GRM7: variants seen among roughly 807,000 people sequenced by gnomAD.
GRM7 encodes the protein glutamate metabotropic receptor 7.
In GRM7, 35 loss-of-function variants were observed where a neutral mutation model predicts 84.5. That is an observed-to-expected ratio of 0.41 (90% CI 0.32 to 0.55). The LOEUF (loss-of-function observed/expected upper bound fraction) is 0.55. GRM7 is among the 20% of genes least tolerant of loss of function. GRM7 has a pLI of 0.19. For missense variants in GRM7, 1,003 were observed against 1,194.6 expected (o/e 0.84, Z 2.36); for synonymous variants, 487 against 455.1 (o/e 1.07, Z -0.89).
At chr3:6,901,550 A>T (rs1044494838) in intron 1 of GRM7, among the ~76,000 whole-genome samples, 1 of 136,418 alleles carries the variant, frequency 7.3e-6, no homozygotes, top group African/African-American at 2.7e-5. Flanking sequence ...GTGAGCCGAG[A>T]TTGCACCATT....
chr3:7,326,532 C>T (rs748174652), intron 4 of GRM7, among the ~76,000 whole-genome samples: 4 of 152,000 alleles, frequency 2.6e-5, no homozygotes, highest in Admixed American at 1.3e-4. Context: ...AGATATTGAG[C>T]AGAAGCAAAG....
chr3:7,024,556 G>T (rs1434206627), intron 1 of GRM7, among the ~76,000 whole-genome samples: 1 of 152,262 alleles, frequency 6.6e-6, no homozygotes, highest in African/African-American at 2.4e-5. Context: ...AACTGCTGGG[G>T]CAGGTGCATG....
intron 4 of GRM7, among the ~76,000 whole-genome samples, chr3:7,368,785 A>G (rs926814389): frequency 1.3e-5 from 2 of 152,148 alleles, no homozygotes; most frequent in Non-Finnish European, 2.9e-5. Context: ...CTCCTAGCCT[A>G]TACCATCAGG....
chr3:6,863,129 T>C lies in GRM7; in HGVS notation c.519+1222T>C, dbSNP rs1300481491. On this transcript the variant is annotated intron_variant, in intron 1 of 9. Coordinates refer to ENST00000357716, the MANE Select transcript of GRM7 (RefSeq NM_000844.4). This position sits in a 1 kb window ranked among gnomAD's most constrained non-coding sequence, Gnocchi z 4.8. ...TTCTGTCTCTGTCTCCTTGCTGTTTTTTTTTTCTCTCTGTTTTTTCTCTCC... is the reference window on the plus strand; with the variant it reads ...TTCTGTCTCTGTCTCCTTGCTGTTTCTTTTTTCTCTCTGTTTTTTCTCTCC... 2 of 336,228 alleles carry C rather than the reference T, an allele frequency of 5.9e-6. No homozygotes were observed. The highest frequency in any genetic ancestry group is 4.5e-5 in the African/African-American group (2 of 44,806). 20.8% of individuals were successfully genotyped at this position (336,228 alleles called of 1,614,324 possible).
At chr3:7,282,015 G>A (rs1699268051) in intron 2 of GRM7, among the ~76,000 whole-genome samples, 1 of 152,194 alleles carries the variant, frequency 6.6e-6, no homozygotes, top group East Asian at 1.9e-4. Context: ...CCCAAGAGAC[G>A]GAGGTTGCAG....
At chr3:7,606,243 G>C (rs1696562356) in intron 8 of GRM7, among the ~76,000 whole-genome samples, 1 of 150,536 alleles carries the variant, frequency 6.6e-6, no homozygotes, top group Non-Finnish European at 1.5e-5. Context: ...TGAACCAGAT[G>C]ACTTCTAGCT....
intron 5 of GRM7, among the ~76,000 whole-genome samples, chr3:7,430,675 A>G (rs1313354237): frequency 1.3e-5 from 2 of 152,350 alleles, no homozygotes; most frequent in Non-Finnish European, 2.9e-5. Flanking sequence ...CGGCTTATTC[A>G]TAATAGCCCA....
chr3:7,088,077 A>G (rs928971563), intron 1 of GRM7, among the ~76,000 whole-genome samples: 1 of 152,200 alleles, frequency 6.6e-6, no homozygotes, highest in Non-Finnish European at 1.5e-5. Flanking sequence ...ATCCTTAGTT[A>G]ACAGTTATAC....
At chr3:7,509,281 G>T (rs1693289260) in intron 7 of GRM7, among the ~76,000 whole-genome samples, 1 of 152,060 alleles carries the variant, frequency 6.6e-6, no homozygotes, top group Non-Finnish European at 1.5e-5. Context: ...TGTCATAATT[G>T]TTCTATTTTA....
rs189776856 is a variant in GRM7 at position 7,701,660 on chromosome 3, C to T, written c.2698+21365C>T. On this transcript the variant is annotated intron_variant, in intron 9 of 9. Transcript: ENST00000357716. ...TAAGAATTGAAGGAGGGTAATTAAA[C>T]GGGTGGTAGGATGGTAGGAGCTTCA... 6.9e-4 allele frequency among the ~76,000 whole-genome samples: 105 copies of T among 152,124 alleles called. 1 individual carries two copies. Among genetic ancestry groups the T allele is most frequent in the Admixed American group, 3.7e-3 (57 of 15,272 alleles).
chr3:7,448,555 A>G (rs569890392), intron 5 of GRM7, among the ~76,000 whole-genome samples: 3 of 152,288 alleles, frequency 2.0e-5, no homozygotes, highest in South Asian at 2.1e-4. Flanking sequence ...TGAGTAGTCA[A>G]AGACTCAGAG....
chr3:7,047,918 G>C (rs771490706), intron 1 of GRM7, among the ~76,000 whole-genome samples: 4 of 151,928 alleles, frequency 2.6e-5, no homozygotes, highest in Non-Finnish European at 5.9e-5. Flanking sequence ...AATGTCATTA[G>C]ATGCCTGGTG....
At chr3:6,994,301 T>G (rs756035865) in intron 1 of GRM7, among the ~76,000 whole-genome samples, 1 of 152,174 alleles carries the variant, frequency 6.6e-6, no homozygotes, top group East Asian at 1.9e-4. Context: ...ACAGACCCTA[T>G]GCAGGGAGGT....
intron 5 of GRM7, among the ~76,000 whole-genome samples, chr3:7,437,759 A>G (rs1697119526): frequency 6.6e-6 from 1 of 152,038 alleles, no homozygotes; most frequent in Admixed American, 6.6e-5. Context: ...CAACAGCCAT[A>G]ATATAACTAT....
chr3:7,279,636 C>G (rs1699188645), intron 2 of GRM7, among the ~76,000 whole-genome samples: 1 of 152,184 alleles, frequency 6.6e-6, no homozygotes, highest in Non-Finnish European at 1.5e-5. Flanking sequence ...AGACACCAAA[C>G]AGCCCTACAA....
intron 9 of GRM7, among the ~76,000 whole-genome samples, chr3:7,687,180 C>G (rs530195951): frequency 2.0e-4 from 30 of 152,102 alleles, no homozygotes; most frequent in African/African-American, 6.3e-4. Context: ...TGGTTATACC[C>G]AAGAAATACC....
intron 1 of GRM7, among the ~76,000 whole-genome samples, chr3:6,947,204 C>T (rs1698119780): frequency 6.6e-6 from 1 of 152,116 alleles, no homozygotes; most frequent in Admixed American, 6.5e-5. Context: ...GTAGATAGCT[C>T]TTATTATTTT....
intron 2 of GRM7, among the ~76,000 whole-genome samples, chr3:7,227,084 A>G (rs1697007151): frequency 6.6e-6 from 1 of 152,198 alleles, no homozygotes; most frequent in Non-Finnish European, 1.5e-5. Context: ...ATTTTTATTT[A>G]AATTATTTTA....
chr3:7,302,820 C>T (rs1025571658), intron 3 of GRM7, among the ~76,000 whole-genome samples: 10 of 150,296 alleles, frequency 6.7e-5, no homozygotes, highest in Non-Finnish European at 1.5e-4. Context: ...TTGCTCTGTA[C>T]TTAGGTTAAC....
Sources: gnomAD v4.1 joint callset for allele counts (sites outside exome capture counted in the v4.1 genomes callset) on GRCh38, gnomAD v4.1.1 for gene constraint, Gnocchi (gnomAD v3.1) non-coding constraint, MANE v1.5 for transcripts, NCBI Gene and HGNC (gene_info 2026-07-23, HGNC 2026-07-21) for gene names.